Variants in ADAMTS18 observed in about 807,000 individuals in gnomAD.
ADAMTS18 encodes A disintegrin and metalloproteinase with thrombospondin motifs 18.
A neutral mutation model predicts 165.9 loss-of-function variants in ADAMTS18; 157 were observed. That is an observed-to-expected ratio of 0.95 (90% confidence interval 0.83 to 1.08). ADAMTS18 has a LOEUF of 1.08. Among genes scored for constraint, ADAMTS18 ranks in the 50% least tolerant of loss-of-function variants. The pLI is 0.00. For synonymous variants in ADAMTS18, 782 were observed against 578.2 expected, an observed-to-expected ratio of 1.35 and a Z score of -5.06; for missense variants, 2,040 against 1,534.0, an observed-to-expected ratio of 1.33 and a Z score of -5.51.
At chr16:77,400,460 G>GTGTC (rs2057313098) in intron 3 of ADAMTS18, among the ~76,000 whole-genome samples, 1 of 135,334 alleles carries the variant, frequency 7.4e-6, no homozygotes, top group African/African-American at 3.0e-5. Context: ...GTGTGTCTGT[G>GTGTC]TGTGTGTGTG....
chr16:77,391,554 A>G (rs1400258695), intron 3 of ADAMTS18, among the ~76,000 whole-genome samples: 1 of 152,154 alleles, frequency 6.6e-6, no homozygotes, highest in Non-Finnish European at 1.5e-5. Flanking sequence ...TCAAATAACA[A>G]GTAATTGTTT....
Position 77,359,416 on chromosome 16 carries a change from G to A in ADAMTS18, c.1224C>T (p.Ala408=). The A allele has an allele frequency of 1.2e-6, 2 of 1,613,446 alleles. No homozygotes were observed. The highest frequency in any genetic ancestry group is 2.2e-5 in the East Asian group (1 of 44,874). ...ACTTAGAGCACATTCCACTGATGGG[G>A]GCAAACCCTATTGAAAGAGCAGTTT... The part of the protein sequence containing the change: ...KNEPCDTLGF[A]PISGMCSKYR... The change falls in exon 8 of 23, where the codon GCC becomes GCT. Residue 408 remains alanine (A), a synonymous_variant. Transcript: ENST00000282849.
intron 16 of ADAMTS18, among the ~76,000 whole-genome samples, chr16:77,304,795 T>G (rs2055651915): frequency 6.6e-6 from 1 of 152,220 alleles, no homozygotes; most frequent in African/African-American, 2.4e-5. Flanking sequence ...TAGTAGCTAT[T>G]TGTATGCCTG....
chr16:77,382,757 A>G lies in ADAMTS18; in HGVS notation c.496-15034T>C, dbSNP rs1280733181. Among the ~76,000 whole-genome samples, 4 of 152,202 alleles carry G rather than the reference A, an allele frequency of 2.6e-5. No homozygotes were observed. In the South Asian group the frequency reaches 8.3e-4, roughly 32 times the overall value. ...GTGAATGACCAAGACGACAGCTAGC[A>G]TGTCTCGATTTAATGGAAACCAGAC... On this transcript the variant is annotated intron_variant, in intron 3 of 22. Transcript: ENST00000282849.
intron 3 of ADAMTS18, chr16:77,378,935 G>C (rs1399831304): frequency 6.6e-6 from 1 of 152,100 alleles, no homozygotes. Context: ...TATTCTTTCA[G>C]TTTATTGAGA....
At chr16:77,328,927 A>G (rs991167313) in intron 12 of ADAMTS18, among the ~76,000 whole-genome samples, 2 of 152,228 alleles carry the variant, frequency 1.3e-5, no homozygotes, top group African/African-American at 4.8e-5. Flanking sequence ...ACAGCTAGAA[A>G]GAAACAGAGA....
intron 3 of ADAMTS18, among the ~76,000 whole-genome samples, chr16:77,407,111 G>A (rs999215209): frequency 5.3e-5 from 8 of 151,934 alleles, no homozygotes; most frequent in South Asian, 2.1e-4. Context: ...GAAGAGAAAG[G>A]AATTTATAAG....
At chr16:77,362,334 G>C (rs972386336) in intron 6 of ADAMTS18, 70 bp from the exon 7 acceptor site, 20 of 1,534,864 alleles carry the variant, frequency 1.3e-5, no homozygotes, top group Middle Eastern at 1.7e-4. Flanking sequence ...CATTCCATTT[G>C]TACAGGCAAA....
intron 3 of ADAMTS18, among the ~76,000 whole-genome samples, chr16:77,383,455 G>C (rs76140130): frequency 0.015 from 2,274 of 152,048 alleles, 54 homozygotes; most frequent in African/African-American, 0.052. Flanking sequence ...TCCCATCTCA[G>C]ATTTTTTTCA....
At chr16:77,340,728 G>A (rs769315280) in intron 11 of ADAMTS18, among the ~76,000 whole-genome samples, 3 of 151,952 alleles carry the variant, frequency 2.0e-5, no homozygotes, top group Non-Finnish European at 2.9e-5. Flanking sequence ...CTACAGGCAC[G>A]CACCACCAAG....
chr16:77,332,614 A>G (rs1289701229), intron 12 of ADAMTS18, among the ~76,000 whole-genome samples: 1 of 152,194 alleles, frequency 6.6e-6, no homozygotes, highest in Non-Finnish European at 1.5e-5. Context: ...TATCGCCAAA[A>G]TCTGGGCTCT....
intron 10 of ADAMTS18, 22 bp downstream of exon 10, chr16:77,353,711 T>A: frequency 6.2e-7 from 1 of 1,614,188 alleles, no homozygotes; most frequent in Non-Finnish European, 8.5e-7. Flanking sequence ...TAATGTAAGT[T>A]TGAAATCACA....
intron 3 of ADAMTS18, among the ~76,000 whole-genome samples, chr16:77,430,946 A>C (rs1208342173): frequency 5.9e-5 from 9 of 152,208 alleles, no homozygotes; most frequent in Non-Finnish European, 1.2e-4. Flanking sequence ...AAAGCCATGT[A>C]GACGCATGAA....
intron 3 of ADAMTS18, among the ~76,000 whole-genome samples, chr16:77,391,961 G>GA (rs1035096757): frequency 6.6e-6 from 1 of 152,126 alleles, no homozygotes; most frequent in African/African-American, 2.4e-5. Context: ...TACTGCCATT[G>GA]AAAAAATGCA....
intron 3 of ADAMTS18, among the ~76,000 whole-genome samples, chr16:77,380,835 T>A (rs947910597): frequency 6.6e-6 from 1 of 152,168 alleles, no homozygotes; most frequent in East Asian, 1.9e-4. Flanking sequence ...CAACTGACTC[T>A]CACTGCAGCT....
chr16:77,336,969 G>T (rs1043272658), intron 11 of ADAMTS18, among the ~76,000 whole-genome samples: 1 of 152,150 alleles, frequency 6.6e-6, no homozygotes, highest in South Asian at 2.1e-4. Flanking sequence ...ATTATGGGAA[G>T]GTTGTTTGAC....
rs79870307 is a variant in ADAMTS18 at position 77,364,508 on chromosome 16, G to C, written c.779-127C>G. 2.9e-3 allele frequency: 3,027 copies of C among 1,040,770 alleles called. 67 individuals are homozygous for C. The African/African-American group carries it at 0.042, about 14-fold the overall frequency. 64.5% of individuals were successfully genotyped at this position (1,040,770 alleles called of 1,614,324 possible). A position where few individuals can be genotyped will look rare whatever the true frequency, so the allele number is the denominator to read the frequency against. ...CAACACACCACCAATCCACTAACAA[G>C]TGATGCTATCAGTGCCTGCCCAGGT... On this transcript the variant is annotated intron_variant, in intron 4 of 22. Transcript: ENST00000282849.
chr16:77,375,937 CT>C (rs1324767603), intron 3 of ADAMTS18, among the ~76,000 whole-genome samples: 2 of 121,958 alleles, frequency 1.6e-5, no homozygotes, highest in African/African-American at 6.4e-5. Context: ...GAGTTTGGCT[CT>C]TGTTGCCCAG....
At chr16:77,295,337 C>T (rs1400007082) in intron 18 of ADAMTS18, among the ~76,000 whole-genome samples, 4 of 152,164 alleles carry the variant, frequency 2.6e-5, no homozygotes, top group African/African-American at 9.7e-5. Flanking sequence ...TCCCACAGTT[C>T]TACAAATATA....
Sources: allele counts gnomAD v4.1 joint callset (sites outside exome capture counted in the v4.1 genomes callset), GRCh38; gene constraint gnomAD v4.1.1; transcripts MANE v1.5; gene names NCBI Gene and HGNC (gene_info 2026-07-23, HGNC 2026-07-21).